LRMDA: variants seen among roughly 807,000 people sequenced by gnomAD.
The protein encoded by LRMDA is leucine-rich melanocyte differentiation-associated protein.
In LRMDA, 18 loss-of-function variants were observed where a neutral mutation model predicts 29.8. The observed-to-expected ratio is 0.60, with a 90% confidence interval of 0.42 to 0.90. The LOEUF is 0.90. Among genes scored for constraint, LRMDA ranks in the 40% least tolerant of loss-of-function variants. The pLI is 0.00. For missense variants in LRMDA, 273 were observed against 273.9 expected (o/e 1.00, Z 0.02); for synonymous variants, 125 against 109.4 (o/e 1.14, Z -0.89).
chr10:75,731,750 A>T (rs1842701814), intron 2 of LRMDA, among the ~76,000 whole-genome samples: 1 of 152,234 alleles, frequency 6.6e-6, no homozygotes, highest in Non-Finnish European at 1.5e-5. Flanking sequence ...ATACGATAGA[A>T]ATGATGTCTG....
chr10:75,632,783 T>G (rs12784204), intron 2 of LRMDA, among the ~76,000 whole-genome samples: 2 of 62,718 alleles, frequency 3.2e-5, no homozygotes, highest in South Asian at 4.7e-4. Flanking sequence ...TTTAGTTTAG[T>G]TTTTTTTTTT....
intron 2 of LRMDA, among the ~76,000 whole-genome samples, chr10:75,619,869 G>A (rs1841158755): frequency 6.6e-6 from 1 of 152,174 alleles, no homozygotes; most frequent in Non-Finnish European, 1.5e-5. Context: ...CAGTCTTAGT[G>A]TCCTCATCTG....
intron 5 of LRMDA, among the ~76,000 whole-genome samples, chr10:76,151,988 CCCACATAATAAAATTTCTTAGAA>C (rs1850453952): frequency 6.6e-6 from 1 of 152,180 alleles, no homozygotes; most frequent in South Asian, 2.1e-4. Context: ...TACTAGTTTA[CCCACATAATAAAATTTCTTAGAA>C]CCACATAATA....
At chr10:75,563,434 A>C (rs993142437) in intron 2 of LRMDA, among the ~76,000 whole-genome samples, 1 of 151,930 alleles carries the variant, frequency 6.6e-6, no homozygotes, top group Non-Finnish European at 1.5e-5. Context: ...CATTTGTCTA[A>C]ATTTTTTTCA....
At chr10:76,524,437 G>A (rs186957440) in intron 6 of LRMDA, among the ~76,000 whole-genome samples, 1 of 152,314 alleles carries the variant, frequency 6.6e-6, no homozygotes, top group Admixed American at 6.5e-5. Context: ...TGGTTTACTA[G>A]GAACAACTTT....
At chr10:76,153,621 C>A (rs1364865966) in intron 5 of LRMDA, among the ~76,000 whole-genome samples, 1 of 152,088 alleles carries the variant, frequency 6.6e-6, no homozygotes, top group Non-Finnish European at 1.5e-5. Context: ...GGAATGTATG[C>A]TGTTAGATTT....
intron 2 of LRMDA, among the ~76,000 whole-genome samples, chr10:75,488,481 A>G (rs975583092): frequency 2.0e-5 from 3 of 152,198 alleles, no homozygotes; most frequent in Admixed American, 6.5e-5. Flanking sequence ...TGACAAAGCC[A>G]CTTAGTTTTC....
At position 75,714,980 on chromosome 10, in the gene LRMDA, G is replaced by GA. The variant is rs537052499; in HGVS notation, c.131+276488dup. Among the ~76,000 whole-genome samples the GA allele has an allele frequency of 1.4e-4, 21 of 152,074 alleles. No homozygotes were observed. In the South Asian group the frequency reaches 4.4e-3, roughly 32 times the overall value. ...ATGATATGTGGAGACAGGTCAAGGG[G>GA]AACTGGTTTCTTTTTGCCTTTACTG... On this transcript the variant is annotated intron_variant, in intron 2 of 6. Coordinates refer to ENST00000611255, the MANE Select transcript of LRMDA (RefSeq NM_001305581.2).
At chr10:75,799,750 T>G (rs1287383190) in intron 2 of LRMDA, among the ~76,000 whole-genome samples, 1 of 151,078 alleles carries the variant, frequency 6.6e-6, no homozygotes, top group East Asian at 1.9e-4. Context: ...TTCAGCATGT[T>G]GACCAGGCTA....
At chr10:75,871,466 C>T (rs1315593282) in intron 2 of LRMDA, among the ~76,000 whole-genome samples, 1 of 152,160 alleles carries the variant, frequency 6.6e-6, no homozygotes, top group Non-Finnish European at 1.5e-5. Flanking sequence ...ATGCAGGCAG[C>T]TCTGGGAGGC....
intron 6 of LRMDA, among the ~76,000 whole-genome samples, chr10:76,548,462 A>AG (rs1564573514): frequency 6.6e-6 from 1 of 152,074 alleles, no homozygotes; most frequent in Non-Finnish European, 1.5e-5. Flanking sequence ...AAAAAAAAAA[A>AG]AAAAATGTAA....
At chr10:76,180,442 G>A (rs1335853649) in intron 5 of LRMDA, among the ~76,000 whole-genome samples, 1 of 151,748 alleles carries the variant, frequency 6.6e-6, no homozygotes, top group Non-Finnish European at 1.5e-5. Context: ...ACCACACCCG[G>A]CTAATTTTTT....
intron 2 of LRMDA, among the ~76,000 whole-genome samples, chr10:75,447,259 C>A (rs1208139492): frequency 1.3e-5 from 2 of 152,252 alleles, no homozygotes; most frequent in East Asian, 3.9e-4. Flanking sequence ...CCAGCTACCA[C>A]CAGAACATAC....
chr10:76,094,898 G>A (rs891470274), intron 5 of LRMDA, among the ~76,000 whole-genome samples: 1 of 151,962 alleles, frequency 6.6e-6, no homozygotes, highest in Non-Finnish European at 1.5e-5. Context: ...TCTTCCACTG[G>A]CTTTTTTCAC....
chr10:76,225,900 C>T (rs569284350), intron 5 of LRMDA, among the ~76,000 whole-genome samples: 4 of 134,194 alleles, frequency 3.0e-5, no homozygotes, highest in East Asian at 2.4e-4. Flanking sequence ...CAACAGCCCC[C>T]GGTGTGTGAT....
At chr10:76,197,251 C>G (rs142890282) in intron 5 of LRMDA, among the ~76,000 whole-genome samples, 1 of 152,290 alleles carries the variant, frequency 6.6e-6, no homozygotes, top group Non-Finnish European at 1.5e-5. Context: ...GGAGCCAGAA[C>G]TGAGCATAGT....
chr10:75,485,102 GTTAACT>G (rs1038890226), intron 2 of LRMDA, among the ~76,000 whole-genome samples: 10 of 152,196 alleles, frequency 6.6e-5, no homozygotes, highest in African/African-American at 2.4e-4. Context: ...AGTTATCTCT[GTTAACT>G]TTATCAATAT....
chr10:75,763,059 A>G (rs1258805436), intron 2 of LRMDA, among the ~76,000 whole-genome samples: 1 of 152,134 alleles, frequency 6.6e-6, no homozygotes, highest in East Asian at 1.9e-4. Context: ...TTTCATGTCT[A>G]TCTTCAAATT....
At chr10:76,081,409 C>T (rs1021870845) in intron 5 of LRMDA, among the ~76,000 whole-genome samples, 2 of 152,168 alleles carry the variant, frequency 1.3e-5, no homozygotes, top group African/African-American at 2.4e-5. Context: ...GCCATGATCA[C>T]ACCACTGCAC....
Sources: allele counts gnomAD v4.1 joint callset (sites outside exome capture counted in the v4.1 genomes callset), GRCh38; gene constraint gnomAD v4.1.1; transcripts MANE v1.5; gene names NCBI Gene and HGNC (gene_info 2026-07-23, HGNC 2026-07-21).